HELB: variants seen among roughly 807,000 people sequenced by gnomAD.
HELB encodes DNA 5'-3' helicase B.
Under a neutral mutation model 101.7 loss-of-function variants are expected in HELB, and 96 were observed. That is an observed-to-expected ratio of 0.94 (90% CI 0.80 to 1.12). The LOEUF (loss-of-function observed/expected upper bound fraction) is 1.12, where lower values mean the gene tolerates loss of function less well. HELB is among the 50% of genes most tolerant of loss of function. The pLI, the probability that HELB is intolerant of heterozygous loss-of-function variation, is 0.00. For synonymous variants in HELB, 437 were observed against 459.7 expected (o/e 0.95, Z 0.63); for missense variants, 1,210 against 1,291.9 (o/e 0.94, Z 0.97).
At chr12:66,320,563 G>T (rs1592640667) in intron 7 of HELB, among the ~76,000 whole-genome samples, 1 of 151,994 alleles carries the variant, frequency 6.6e-6, no homozygotes, top group East Asian at 1.9e-4. Flanking sequence ...AATATTGTTG[G>T]TTTTATTTCT....
intron 12 of HELB, among the ~76,000 whole-genome samples, chr12:66,335,681 C>G (rs184570433): frequency 2.0e-5 from 3 of 152,196 alleles, no homozygotes; most frequent in Admixed American, 6.5e-5. Context: ...AGGATAATTG[C>G]AGAATTGGAG....
rs755455094 is a variant in HELB at position 66,309,962 on chromosome 12, C to T, written c.1034C>T (p.Thr345Ile). The T allele has an allele frequency of 1.9e-6, 3 of 1,614,206 alleles. No homozygotes were observed. The East Asian group carries it at 6.7e-5, about 36-fold the overall frequency. The change falls in exon 4 of 13, where the codon ACA becomes ATA. Residue 345 changes from threonine to isoleucine, a missense_variant. Transcript: ENST00000247815. ...TTTTTGAAGGATATTGGTGTGGTGA[C>T]ATATGAGAAGTCCTGTGTCTTCCCT... ...LKFLKDIGVV[T>I]YEKSCVFPYD... is the part of the protein sequence containing the mutation.
At position 66,318,614 on chromosome 12, in the gene HELB, G is replaced by A. The variant is rs371304059; in HGVS notation, c.2001-24G>A. ...ATTTTTGGATGATAATGTTCTTTGT[G>A]TGTGTGTGTTATCTTTATTCAAGAA... On this transcript the variant is annotated intron_variant, in intron 6 of 12. Coordinates refer to ENST00000247815, the MANE Select transcript of HELB (RefSeq NM_001370285.1). The A allele has an allele frequency of 2.5e-6, 4 of 1,579,766 alleles. No homozygotes were observed. In the African/African-American group the frequency reaches 5.5e-5, roughly 22 times the overall value.
Position 66,304,784 on chromosome 12 carries a change from C to G in HELB, c.241C>G (p.Pro81Ala), listed in dbSNP as rs1329371846. The G allele has an allele frequency of 3.7e-6, 6 of 1,613,716 alleles. No individual in the cohort carries two copies. In the African/African-American group the frequency reaches 8.0e-5, roughly 22 times the overall value. The change falls in exon 2 of 13, where the codon CCG becomes GCG. Residue 81 changes from proline (P) to alanine (A), a missense_variant. Pro to Ala is a conservative substitution (Grantham distance 27). Transcript: ENST00000247815. ...GACATGTAAAGTGTTTGGACGTTTTCCGATAACAGGTGCTTGGTGGAGAGT... is the reference window on the plus strand; with the variant it reads ...GACATGTAAAGTGTTTGGACGTTTTGCGATAACAGGTGCTTGGTGGAGAGT... ...QETCKVFGRF[P>A]ITGAWWRVKV...
intron 1 of HELB, 114 bp from the exon 2 acceptor site, chr12:66,304,615 TAG>T: frequency 1.1e-6 from 1 of 914,430 alleles, no homozygotes; most frequent in Non-Finnish European, 1.6e-6. Context: ...CAGACATCTT[TAG>T]AGAGTGCTGT....
intron 7 of HELB, among the ~76,000 whole-genome samples, chr12:66,320,474 A>C (rs928619777): frequency 4.6e-5 from 7 of 152,228 alleles, no homozygotes; most frequent in Non-Finnish European, 7.4e-5. Flanking sequence ...AGTTAATAGT[A>C]GGTCCTATTT....
downstream of HELB, chr12:66,342,682 C>G (rs1488194721): frequency 6.9e-6 from 1 of 144,962 alleles, no homozygotes. Context: ...CAGCCCGATT[C>G]ATGCCTCTTT....
chr12:66,330,113 G>A (rs1279168032), intron 11 of HELB, among the ~76,000 whole-genome samples: 1 of 152,196 alleles, frequency 6.6e-6, no homozygotes, highest in Non-Finnish European at 1.5e-5. Context: ...CAGGAGCAAT[G>A]TCAGAGCAAT....
At chr12:66,340,790 T>C, downstream of HELB, 1 of 152,990 alleles carries the variant, frequency 6.5e-6, no homozygotes, top group Non-Finnish European at 1.5e-5. Flanking sequence ...GCTGGGAGCC[T>C]AGGCCAGTCT....
intron 11 of HELB, among the ~76,000 whole-genome samples, chr12:66,327,066 A>AAAAAAAAT (rs2053749764): frequency 6.4e-5 from 3 of 46,802 alleles, no homozygotes; most frequent in Non-Finnish European, 9.8e-5. Context: ...AAAAAAAAAA[A>AAAAAAAAT]ATATATATAT....
In HELB at chr12:66,331,243, C is replaced by T. The variant is rs972895009; in HGVS notation, c.2760C>T (p.Arg920=). 3.1e-6 allele frequency: 5 copies of T among 1,614,232 alleles called. No individual in the cohort carries two copies. In the Admixed American group the frequency reaches 8.3e-5, roughly 27 times the overall value. The change falls in exon 12 of 13, where the codon CGC becomes CGT. Residue 920 remains arginine, a synonymous_variant. Transcript: ENST00000247815. The stretch of plus-strand genomic sequence containing the variant: ...TCTACACCGCCGTGACCAGGGGCCG[C>T]TGCCGAGTGTATGTGATTGCAGAGG... ...QHVYTAVTRG[R]CRVYVIAEES... is the part of the protein sequence containing the mutation.
Position 66,315,345 on chromosome 12 carries a change from T to A in HELB, c.1962T>A (p.His654Gln), listed in dbSNP as rs764397288. 2 of 1,606,392 alleles carry A rather than the reference T, an allele frequency of 1.2e-6. No homozygotes were observed. The highest frequency in any genetic ancestry group is 1.7e-6 in the Non-Finnish European group (2 of 1,176,662). Reference protein sequence around the residue: ...RNCAIELKTNHRAESQLIVDN... With the variant: ...RNCAIELKTNQRAESQLIVDN... ...GTGCTATTGAGCTAAAGACAAACCA[T>A]AGAGCAGAATCTCAGCTCATTGTGG... Residue 654 changes from histidine (H) to glutamine (Q), a missense_variant, in exon 6 of 13, where the codon CAT (histidine) becomes CAA (glutamine). Physicochemically the swap from His to Gln is conservative, Grantham distance 24. Coordinates refer to ENST00000247815, the MANE Select transcript of HELB (RefSeq NM_001370285.1).
chr12:66,332,411 G>C (rs140656413), intron 12 of HELB, among the ~76,000 whole-genome samples: 1 of 152,274 alleles, frequency 6.6e-6, no homozygotes, highest in African/African-American at 2.4e-5. Flanking sequence ...ATATTAAATG[G>C]AAAATTCCAG....
intron 2 of HELB, among the ~76,000 whole-genome samples, chr12:66,305,625 G>A (rs1204777945): frequency 1.3e-5 from 2 of 151,914 alleles, no homozygotes; most frequent in East Asian, 3.9e-4. Context: ...TATACCTGTA[G>A]TCCCAGCTAC....
chr12:66,312,325 C>T (rs1000713887), intron 4 of HELB, among the ~76,000 whole-genome samples: 2 of 152,112 alleles, frequency 1.3e-5, no homozygotes, highest in African/African-American at 4.8e-5. Context: ...CAATGAAACT[C>T]GAACTTGATC....
chr12:66,312,226 G>A (rs1301700485), intron 4 of HELB, among the ~76,000 whole-genome samples: 1 of 152,146 alleles, frequency 6.6e-6, no homozygotes, highest in Admixed American at 6.5e-5. Context: ...GTAGAACTGG[G>A]ACTTGAAATG....
At chr12:66,323,121 G>T (rs1486046149) in intron 9 of HELB, among the ~76,000 whole-genome samples, 3 of 152,060 alleles carry the variant, frequency 2.0e-5, no homozygotes, top group Non-Finnish European at 4.4e-5. Context: ...TAGCAACAGG[G>T]TGCCTGCAGA....
At chr12:66,315,190 G>C in intron 5 of HELB, 52 bp from the exon 6 acceptor site, 1 of 1,330,824 alleles carries the variant, frequency 7.5e-7, no homozygotes, top group Non-Finnish European at 1.0e-6. Context: ...AACAATCTTG[G>C]GGGTATTTTT....
intron 4 of HELB, among the ~76,000 whole-genome samples, chr12:66,313,519 GTTTA>G (rs1224900538): frequency 2.6e-5 from 4 of 152,048 alleles, no homozygotes; most frequent in Admixed American, 2.6e-4. Flanking sequence ...GAATTTTGTT[GTTTA>G]TTTGTTGTTG....
Sources: gnomAD v4.1 joint callset for allele counts (sites outside exome capture counted in the v4.1 genomes callset) on GRCh38, gnomAD v4.1.1 for gene constraint, MANE v1.5 for transcripts, NCBI Gene and HGNC (gene_info 2026-07-23, HGNC 2026-07-21) for gene names.